LRCH1: variants seen among roughly 807,000 people sequenced by gnomAD.
LRCH1 encodes leucine-rich repeat and calponin homology domain-containing protein 1.
In LRCH1, 23 loss-of-function variants were observed where a neutral mutation model predicts 94.9. That is an observed-to-expected ratio of 0.24 (90% confidence interval 0.17 to 0.34). The LOEUF (loss-of-function observed/expected upper bound fraction) is 0.34, where lower values mean the gene tolerates loss of function less well. LRCH1 is among the 10% of genes least tolerant of loss of function. The pLI is 1.00. For synonymous variants in LRCH1, 364 were observed against 354.9 expected (o/e 1.03, Z -0.29); for missense variants, 790 against 945.9 (o/e 0.84, Z 2.16).
chr13:46,616,982 G>T (rs947398435), intron 1 of LRCH1, among the ~76,000 whole-genome samples: 1 of 152,186 alleles, frequency 6.6e-6, no homozygotes, highest in African/African-American at 2.4e-5. Context: ...GATCAGTTAG[G>T]GTGGGGCAGG....
chr13:46,726,704 C>G (rs141141301), intron 17 of LRCH1, among the ~76,000 whole-genome samples: 1 of 151,952 alleles, frequency 6.6e-6, no homozygotes, highest in Non-Finnish European at 1.5e-5. Context: ...GTGGAGACCA[C>G]GTGGGAATTC....
At chr13:46,623,026 A>G (rs2050898298) in intron 1 of LRCH1, among the ~76,000 whole-genome samples, 1 of 152,170 alleles carries the variant, frequency 6.6e-6, no homozygotes, top group South Asian at 2.1e-4. Flanking sequence ...TCCCAGAGTA[A>G]GCTGGGCTGG....
intron 1 of LRCH1, among the ~76,000 whole-genome samples, chr13:46,619,602 A>G (rs1231488405): frequency 2.6e-5 from 4 of 152,206 alleles, no homozygotes; most frequent in African/African-American, 9.7e-5. Context: ...ATACTTGATT[A>G]GAGAAATCAT....
chr13:46,603,416 A>C (rs1280884383), intron 1 of LRCH1, among the ~76,000 whole-genome samples: 1 of 152,128 alleles, frequency 6.6e-6, no homozygotes, highest in East Asian at 1.9e-4. Context: ...GGTTGTTTGC[A>C]AAGCTAGTGT....
chr13:46,553,787 A>G (rs2050030811), intron 1 of LRCH1, 84 bp downstream of exon 1: 1 of 1,559,456 alleles, frequency 6.4e-7, no homozygotes, highest in African/African-American at 1.4e-5. Flanking sequence ...GGACAGTCGG[A>G]GATCTTGTCT....
At chr13:46,699,493 T>C in intron 10 of LRCH1, 90 bp downstream of exon 10, 1 of 1,112,706 alleles carries the variant, frequency 9.0e-7, no homozygotes. Context: ...AATTTTGACC[T>C]GCTTTTCTGT....
chr13:46,735,305 T>G (rs763627992), intron 19 of LRCH1, among the ~76,000 whole-genome samples: 2 of 152,240 alleles, frequency 1.3e-5, no homozygotes, highest in Non-Finnish European at 2.9e-5. Context: ...TTTCTAATGA[T>G]TTGATTCTGT....
chr13:46,736,709 C>T (rs1202780695), intron 19 of LRCH1, among the ~76,000 whole-genome samples: 2 of 151,954 alleles, frequency 1.3e-5, no homozygotes, highest in Non-Finnish European at 2.9e-5. Context: ...TAGTTACTTC[C>T]CTCTAATTTG....
intron 1 of LRCH1, among the ~76,000 whole-genome samples, chr13:46,593,283 C>CTTTTTTTTTTTTTTTTTTTTTTT (rs34821427): frequency 1.1e-5 from 1 of 92,202 alleles, no homozygotes; most frequent in Non-Finnish European, 2.1e-5. Context: ...TCTTTCTTTC[C>CTTTTTTTTTTTTTTTTTTTTTTT]TTTTTTTTTT....
chr13:46,692,578 A>G lies in LRCH1; in HGVS notation c.1057A>G (p.Asn353Asp). 6.2e-7 allele frequency: 1 copy of G among 1,614,128 alleles called. No homozygotes were observed. Among genetic ancestry groups the G allele is most frequent in the East Asian group, 2.2e-5 (1 of 44,884 alleles). ...DTVSLNVPMS[N>D]IMEEEQIIKE... ...TGTTAGCCTCAATGTGCCAATGTCAAACATCATGGAAGAAGAACAGATCAT... is the reference window on the plus strand; with the variant it reads ...TGTTAGCCTCAATGTGCCAATGTCAGACATCATGGAAGAAGAACAGATCAT... Residue 353 changes from asparagine to aspartate, a missense_variant, in exon 8 of 20, where the codon AAC becomes GAC. Physicochemically the swap from Asn to Asp is conservative, Grantham distance 23 (BLOSUM62 1). This residue lies in a region of LRCH1 where 460 missense variants were observed against 508.9 expected (regional missense o/e 0.90). Coordinates refer to ENST00000389797, the MANE Select transcript of LRCH1 (RefSeq NM_001164211.2).
chr13:46,563,349 CT>C (rs567322636), intron 1 of LRCH1, among the ~76,000 whole-genome samples: 14 of 148,662 alleles, frequency 9.4e-5, no homozygotes, highest in South Asian at 4.3e-4. Context: ...GAATTTCTTC[CT>C]TTTTTTTTTA....
intron 2 of LRCH1, among the ~76,000 whole-genome samples, chr13:46,667,540 G>C (rs542582365): frequency 1.0e-3 from 17 of 16,476 alleles, no homozygotes; most frequent in African/African-American, 2.1e-3. Context: ...GTGGGGGGAG[G>C]GGGGGAGGGA....
At chr13:46,691,753 G>T (rs889567604) in intron 7 of LRCH1, among the ~76,000 whole-genome samples, 6 of 152,132 alleles carry the variant, frequency 3.9e-5, no homozygotes, top group African/African-American at 1.4e-4. Context: ...GCAGTGGCGC[G>T]ATCTTGGCTC....
chr13:46,619,990 C>T (rs2050862171), intron 1 of LRCH1, among the ~76,000 whole-genome samples: 1 of 152,064 alleles, frequency 6.6e-6, no homozygotes, highest in Admixed American at 6.5e-5. Context: ...GTTTAATTTC[C>T]TTTTGGTTCG....
intron 16 of LRCH1, among the ~76,000 whole-genome samples, chr13:46,718,915 C>G (rs914915120): frequency 6.6e-6 from 1 of 152,264 alleles, no homozygotes; most frequent in Non-Finnish European, 1.5e-5. Context: ...TATGAAGATG[C>G]ATTTCATGCA....
intron 1 of LRCH1, among the ~76,000 whole-genome samples, chr13:46,625,961 G>A (rs2050944136): frequency 6.6e-6 from 1 of 152,120 alleles, no homozygotes; most frequent in South Asian, 2.1e-4. Context: ...CCAGATGTTT[G>A]TTGTTTAAGC....
intron 1 of LRCH1, among the ~76,000 whole-genome samples, chr13:46,619,240 A>G (rs1415818243): frequency 6.6e-6 from 1 of 151,922 alleles, no homozygotes; most frequent in Non-Finnish European, 1.5e-5. Flanking sequence ...CTCCCTGAGT[A>G]GCTGGGACTA....
At chr13:46,631,137 G>A (rs894755921) in intron 1 of LRCH1, among the ~76,000 whole-genome samples, 4 of 152,178 alleles carry the variant, frequency 2.6e-5, no homozygotes, top group African/African-American at 9.7e-5. Flanking sequence ...TCTGCTGTAT[G>A]CATGTGGTTT....
At chr13:46,606,055 T>G (rs1358582634) in intron 1 of LRCH1, among the ~76,000 whole-genome samples, 1 of 152,164 alleles carries the variant, frequency 6.6e-6, no homozygotes, top group Non-Finnish European at 1.5e-5. Flanking sequence ...CAAACACAGC[T>G]TTCCCCAACT....
Sources: gnomAD v4.1 joint callset for allele counts (sites outside exome capture counted in the v4.1 genomes callset) on GRCh38, gnomAD v4.1.1 for gene constraint, gnomAD v4.1.1 regional missense constraint, MANE v1.5 for transcripts, NCBI Gene and HGNC (gene_info 2026-07-23, HGNC 2026-07-21) for gene names.